Variants in ZNF469 observed in about 807,000 individuals in gnomAD.
ZNF469 encodes the protein zinc finger protein 469.
Under a neutral mutation model 1.0 loss-of-function variants are expected in ZNF469, and 1 was observed. The ratio of observed to expected loss-of-function variants is 1.00; its 90% CI spans 0.35 to 4.73. The LOEUF is 4.73. ZNF469 is among the 30% of genes most tolerant of loss of function. The pLI, the probability that ZNF469 is intolerant of heterozygous loss-of-function variation, is 0.16. For missense variants in ZNF469, 6,100 were observed against 5,356.3 expected (o/e 1.14, Z -4.33); for synonymous variants, 2,703 against 2,363.4 (o/e 1.14, Z -4.17).
At chr16:88,136,800 C>T in the ZNF469 span, among the ~76,000 whole-genome samples, 2 of 152,244 alleles carry the variant, frequency 1.3e-5, no homozygotes, top group South Asian at 4.1e-4. Context: ...GTGCCCAGTA[C>T]AGGGCAGGGC....
the ZNF469 span, among the ~76,000 whole-genome samples, chr16:88,238,193 A>C: frequency 6.6e-6 from 1 of 152,226 alleles, no homozygotes; most frequent in Non-Finnish European, 1.5e-5. Flanking sequence ...CCACGCTGCC[A>C]TGTGGCCGGC....
At chr16:88,152,839 T>C in the ZNF469 span, among the ~76,000 whole-genome samples, 4 of 152,196 alleles carry the variant, frequency 2.6e-5, no homozygotes, top group African/African-American at 9.6e-5. This position sits in a 1 kb window ranked among gnomAD's most constrained non-coding sequence, Gnocchi z 4.2. Context: ...CACAAACCGC[T>C]GTCTAATGAT....
chr16:88,286,859 C>T, the ZNF469 span, among the ~76,000 whole-genome samples: 1 of 152,182 alleles, frequency 6.6e-6, no homozygotes, highest in South Asian at 2.1e-4. Context: ...CATGAGTCCC[C>T]CTGAGGCCCT....
At chr16:88,382,216 C>T (rs1312567780), upstream of ZNF469, among the ~76,000 whole-genome samples, 1 of 152,238 alleles carries the variant, frequency 6.6e-6, no homozygotes, top group East Asian at 1.9e-4. Context: ...GGGACGGGCA[C>T]GTACTGGGCC....
chr16:88,396,972 A>C (rs77868623), intron 1 of ZNF469, among the ~76,000 whole-genome samples: 1 of 83,074 alleles, frequency 1.2e-5, no homozygotes, highest in Non-Finnish European at 2.7e-5. Flanking sequence ...AAGGGAGGCC[A>C]GGAGGAGACC....
chr16:88,297,091 G>T, the ZNF469 span, among the ~76,000 whole-genome samples: 1 of 152,254 alleles, frequency 6.6e-6, no homozygotes, highest in South Asian at 2.1e-4. Flanking sequence ...GCAGCCAGCG[G>T]CAGGCACCAA....
At position 88,438,161 on chromosome 16, in the gene ZNF469, A is replaced by G; in HGVS notation, c.10691A>G (p.Asp3564Gly). 4 of 1,550,080 alleles carry G rather than the reference A, an allele frequency of 2.6e-6. No homozygotes were observed. The highest frequency in any genetic ancestry group is 2.0e-5 in the Admixed American group (1 of 50,992). ...TCTCCCTTCCCAGCTGCCTTGGCTGATGGCAGAGGAGACTGCGCGCTGGAC... is the reference window on the plus strand; with the variant it reads ...TCTCCCTTCCCAGCTGCCTTGGCTGGTGGCAGAGGAGACTGCGCGCTGGAC... ...SLSPFPAALA[D>G]GRGDCALDGA... Residue 3564 changes from aspartate to glycine, a missense_variant, in exon 3 of 3, where the codon GAT (aspartate) becomes GGT (glycine). Coordinates refer to ENST00000565624, the MANE Select transcript of ZNF469 (RefSeq NM_001367624.2).
the ZNF469 span, among the ~76,000 whole-genome samples, chr16:88,247,297 ATGAG>A: frequency 3.5e-3 from 522 of 147,762 alleles, 6 homozygotes; most frequent in African/African-American, 0.011. Context: ...GAGCGAGTGA[ATGAG>A]TGAGTGAGTG....
chr16:88,174,872 A>C, the ZNF469 span, among the ~76,000 whole-genome samples: 1 of 152,188 alleles, frequency 6.6e-6, no homozygotes, highest in Admixed American at 6.5e-5. Flanking sequence ...GGGAGTCAAA[A>C]GTTATTTGCA....
At chr16:88,118,290 A>G in the ZNF469 span, among the ~76,000 whole-genome samples, 1 of 152,022 alleles carries the variant, frequency 6.6e-6, no homozygotes, top group African/African-American at 2.4e-5. Flanking sequence ...AAGACTGTAC[A>G]TTTCTTCTAA....
chr16:88,408,741 G>GT (rs1555516929), intron 1 of ZNF469, among the ~76,000 whole-genome samples: 1 of 152,156 alleles, frequency 6.6e-6, no homozygotes, highest in Non-Finnish European at 1.5e-5. Context: ...CTCCCGCCTG[G>GT]CCCCCGTCCC....
chr16:88,359,912 T>A, the ZNF469 span, among the ~76,000 whole-genome samples: 4 of 152,252 alleles, frequency 2.6e-5, no homozygotes, highest in African/African-American at 9.6e-5. Context: ...TATTTTTTGA[T>A]GCATTTCAAA....
the ZNF469 span, among the ~76,000 whole-genome samples, chr16:88,334,386 G>A: frequency 3.3e-5 from 5 of 152,194 alleles, no homozygotes; most frequent in Admixed American, 6.5e-5. Context: ...ATTTGGGAAT[G>A]TTTGCCTTAC....
At chr16:88,251,848 C>T in the ZNF469 span, among the ~76,000 whole-genome samples, 4 of 151,918 alleles carry the variant, frequency 2.6e-5, no homozygotes, top group East Asian at 1.9e-4. Flanking sequence ...TGTGAGTCAC[C>T]GCGCCGGGCC....
chr16:88,408,735 C>T (rs537351988), intron 1 of ZNF469, among the ~76,000 whole-genome samples: 15 of 150,772 alleles, frequency 9.9e-5, no homozygotes, highest in Non-Finnish European at 1.8e-4. Flanking sequence ...CTGACCCTCC[C>T]GCCTGGCCCC....
chr16:88,295,847 ACT>A, the ZNF469 span, among the ~76,000 whole-genome samples: 1 of 151,816 alleles, frequency 6.6e-6, no homozygotes, highest in Non-Finnish European at 1.5e-5. Context: ...AATGACAGAC[ACT>A]CTCATCAACA....
At chr16:88,112,641 C>T in the ZNF469 span, among the ~76,000 whole-genome samples, 1 of 152,122 alleles carries the variant, frequency 6.6e-6, no homozygotes, top group Non-Finnish European at 1.5e-5. Context: ...TAGATTCTTT[C>T]CTATAGAGTT....
chr16:88,371,349 A>G, the ZNF469 span, among the ~76,000 whole-genome samples: 1 of 152,274 alleles, frequency 6.6e-6, no homozygotes, highest in Non-Finnish European at 1.5e-5. Context: ...ATGCACAGCC[A>G]TATACATGAG....
At chr16:88,390,220 G>A (rs1009004645) in intron 1 of ZNF469, among the ~76,000 whole-genome samples, 5 of 152,204 alleles carry the variant, frequency 3.3e-5, no homozygotes, top group South Asian at 2.1e-4. Context: ...GCTCAGGCCT[G>A]TCTCACAGTG....
Sources: gnomAD v4.1 joint callset for allele counts (sites outside exome capture counted in the v4.1 genomes callset) on GRCh38, gnomAD v4.1.1 for gene constraint, Gnocchi (gnomAD v3.1) non-coding constraint, MANE v1.5 for transcripts, NCBI Gene and HGNC (gene_info 2026-07-23, HGNC 2026-07-21) for gene names.